NAALADL2: variants seen among roughly 807,000 people sequenced by gnomAD.
The protein encoded by NAALADL2 is inactive N-acetylated-alpha-linked acidic dipeptidase-like protein 2.
Under a neutral mutation model 87.2 loss-of-function variants are expected in NAALADL2, and 76 were observed. The observed-to-expected ratio is 0.87, with a 90% CI of 0.72 to 1.05. The LOEUF is 1.05. Ranked by LOEUF, NAALADL2 falls within the 50% of genes least tolerant of loss-of-function variation. The probability of loss-of-function intolerance (pLI) is 0.00; values close to 1 mark genes in which losing one functional copy is unlikely to be tolerated. For synonymous variants in NAALADL2, 354 were observed against 331.0 expected, an observed-to-expected ratio of 1.07 and a Z score of -0.75; for missense variants, 1,089 against 945.8, an observed-to-expected ratio of 1.15 and a Z score of -1.99.
At chr3:174,985,922 A>T (rs1745799739) in intron 1 of NAALADL2, among the ~76,000 whole-genome samples, 1 of 152,056 alleles carries the variant, frequency 6.6e-6, no homozygotes, top group Non-Finnish European at 1.5e-5. Flanking sequence ...ATTGCACTCC[A>T]GCCTGGGCAA....
rs114248790 is a variant in NAALADL2 at position 175,304,029 on chromosome 3, G to A, written c.940-20146G>A. On this transcript the variant is annotated intron_variant, in intron 4 of 13. Coordinates refer to ENST00000454872, the MANE Select transcript of NAALADL2 (RefSeq NM_207015.3). ...TTAGGATTTTTTTTTTTTTACATAT[G>A]AAAATGAGAGAAAGGTAAAAGACCT... Among the ~76,000 whole-genome samples the A allele has an allele frequency of 8.0e-3, 1,215 of 151,404 alleles. 23 individuals carry two copies. The highest frequency in any genetic ancestry group is 0.027 in the African/African-American group (1,118 of 41,138).
At chr3:174,771,355 A>G (rs1437574468) in intron 3 of NAALADL2, among the ~76,000 whole-genome samples, 13 of 152,230 alleles carry the variant, frequency 8.5e-5, no homozygotes, top group African/African-American at 2.4e-5. Flanking sequence ...GTATATATTG[A>G]TAGAAAATAA....
chr3:175,192,252 C>T (rs1738318981), intron 2 of NAALADL2, among the ~76,000 whole-genome samples: 1 of 151,944 alleles, frequency 6.6e-6, no homozygotes, highest in African/African-American at 2.4e-5. Context: ...TAAAGTAAAG[C>T]TAGTTTTCAA....
chr3:175,199,617 A>G (rs998504658), intron 2 of NAALADL2, among the ~76,000 whole-genome samples: 4 of 151,266 alleles, frequency 2.6e-5, no homozygotes, highest in Non-Finnish European at 5.9e-5. Flanking sequence ...ATAAAAGTGC[A>G]CTAAGGGCTA....
At chr3:174,666,721 T>A (rs1160666901) in intron 2 of NAALADL2, among the ~76,000 whole-genome samples, 6 of 152,310 alleles carry the variant, frequency 3.9e-5, no homozygotes, top group African/African-American at 1.2e-4. Context: ...AAATTTACCA[T>A]CTTTAAGTCT....
At chr3:175,757,315 A>T (rs1218596161) in intron 13 of NAALADL2, among the ~76,000 whole-genome samples, 1 of 152,144 alleles carries the variant, frequency 6.6e-6, no homozygotes, top group Non-Finnish European at 1.5e-5. Flanking sequence ...CAAAAGCCTT[A>T]TCACTGCAGA....
intron 5 of NAALADL2, among the ~76,000 whole-genome samples, chr3:175,326,704 G>A (rs1288046816): frequency 1.3e-5 from 2 of 152,170 alleles, no homozygotes; most frequent in African/African-American, 4.8e-5. Context: ...AGTGGTGGAA[G>A]GCATAATGGT....
intron 1 of NAALADL2, among the ~76,000 whole-genome samples, chr3:175,079,959 A>G (rs575074329): frequency 6.6e-6 from 1 of 151,776 alleles, no homozygotes; most frequent in South Asian, 2.1e-4. Flanking sequence ...CACATATTCT[A>G]GAAATATAGA....
At chr3:174,480,412 G>GGT (rs1717478173) in intron 1 of NAALADL2, among the ~76,000 whole-genome samples, 1 of 151,876 alleles carries the variant, frequency 6.6e-6, no homozygotes, top group Non-Finnish European at 1.5e-5. Context: ...TCTTGGAATG[G>GGT]TCCCACCCTA....
intron 1 of NAALADL2, among the ~76,000 whole-genome samples, chr3:175,039,562 T>G (rs1310935332): frequency 1.3e-5 from 2 of 152,118 alleles, no homozygotes; most frequent in Non-Finnish European, 2.9e-5. Flanking sequence ...TGTAGTCTCC[T>G]TCGTAGTTGA....
At chr3:174,844,709 C>T (rs916216037) in intron 3 of NAALADL2, among the ~76,000 whole-genome samples, 5 of 128,170 alleles carry the variant, frequency 3.9e-5, no homozygotes, top group Admixed American at 2.4e-4. Context: ...AGATCTTTTA[C>T]TTCCTTGCTT....
intron 2 of NAALADL2, among the ~76,000 whole-genome samples, chr3:175,157,009 CTT>C (rs745718805): frequency 1.3e-5 from 2 of 151,876 alleles, no homozygotes; most frequent in Non-Finnish European, 2.9e-5. Context: ...ATTTCTTTCT[CTT>C]TGTTTTTAAA....
At chr3:174,732,494 A>G (rs899924234) in intron 2 of NAALADL2, among the ~76,000 whole-genome samples, 1 of 151,802 alleles carries the variant, frequency 6.6e-6, no homozygotes, top group African/African-American at 2.4e-5. Flanking sequence ...ATTTATTAAC[A>G]TTTATTGTGA....
At chr3:175,048,761 C>T (rs1435702483) in intron 1 of NAALADL2, among the ~76,000 whole-genome samples, 1 of 152,064 alleles carries the variant, frequency 6.6e-6, no homozygotes, top group African/African-American at 2.4e-5. Flanking sequence ...ATTTCTTAAT[C>T]AGTTCTTTGG....
chr3:175,191,533 T>C (rs1738205340), intron 2 of NAALADL2, among the ~76,000 whole-genome samples: 1 of 152,158 alleles, frequency 6.6e-6, no homozygotes, highest in Admixed American at 6.5e-5. Context: ...CTCCATGTGG[T>C]ATCCACAATA....
chr3:175,589,934 C>T (rs891058887), intron 10 of NAALADL2, among the ~76,000 whole-genome samples: 1 of 151,982 alleles, frequency 6.6e-6, no homozygotes, highest in Non-Finnish European at 1.5e-5. Flanking sequence ...AATTCTTGGC[C>T]GGGTGTGGTG....
At chr3:175,096,143 C>A (rs1721116874) in intron 1 of NAALADL2, among the ~76,000 whole-genome samples, 1 of 152,020 alleles carries the variant, frequency 6.6e-6, no homozygotes, top group African/African-American at 2.4e-5. Flanking sequence ...CTTGGGACAT[C>A]TTGGTCCTCT....
At chr3:174,498,740 C>G (rs1188913874) in intron 1 of NAALADL2, among the ~76,000 whole-genome samples, 1 of 151,822 alleles carries the variant, frequency 6.6e-6, no homozygotes, top group Non-Finnish European at 1.5e-5. Flanking sequence ...TTCTTCACAT[C>G]TTGCTAACAC....
chr3:175,784,312 G>A (rs1273199279), intron 13 of NAALADL2, among the ~76,000 whole-genome samples: 4 of 152,014 alleles, frequency 2.6e-5, no homozygotes, highest in Admixed American at 6.6e-5. Flanking sequence ...GATAGAATTC[G>A]GCTGTGAATC....
Sources: gnomAD v4.1 joint callset for allele counts (sites outside exome capture counted in the v4.1 genomes callset) on GRCh38, gnomAD v4.1.1 for gene constraint, MANE v1.5 for transcripts, NCBI Gene and HGNC (gene_info 2026-07-23, HGNC 2026-07-21) for gene names.